STARD13: variants seen among roughly 807,000 people sequenced by gnomAD.
STARD13 encodes stAR-related lipid transfer protein 13.
A neutral mutation model predicts 106.4 loss-of-function variants in STARD13; 62 were observed. The observed-to-expected ratio is 0.58, with a 90% CI of 0.48 to 0.72. The LOEUF is 0.72. Among genes scored for constraint, STARD13 ranks in the 30% least tolerant of loss-of-function variants. STARD13 has a pLI of 0.00. For missense variants in STARD13, 1,387 were observed against 1,424.0 expected (o/e 0.97, Z 0.42); for synonymous variants, 565 against 553.0 (o/e 1.02, Z -0.31).
In STARD13 at chr13:33,229,251, C is replaced by A. The variant is rs570205252; in HGVS notation, c.169+56219G>T. 2.0e-5 allele frequency among the ~76,000 whole-genome samples: 3 copies of A among 152,172 alleles called. No individual in the cohort carries two copies. The South Asian group carries it at 6.2e-4, about 32-fold the overall frequency. ...GGCTGAAAAGGGACTTCCTAAATAG[C>A]GACTCCATGGAAGTAAACAGGGGAA... On this transcript the variant is annotated intron_variant, in intron 1 of 13. Transcript: ENST00000336934.
At chr13:33,147,610 C>G (rs1296643702) in intron 3 of STARD13, among the ~76,000 whole-genome samples, 3 of 152,140 alleles carry the variant, frequency 2.0e-5, no homozygotes, top group Admixed American at 6.5e-5. Context: ...AATGACCACC[C>G]TGGGAAGAGA....
chr13:33,586,273 C>T, the STARD13 span, among the ~76,000 whole-genome samples: 1 of 152,070 alleles, frequency 6.6e-6, no homozygotes, highest in Admixed American at 6.6e-5. Flanking sequence ...AAAACAAGAA[C>T]CTCATGATCC....
At chr13:33,422,144 G>A in the STARD13 span, among the ~76,000 whole-genome samples, 7 of 152,254 alleles carry the variant, frequency 4.6e-5, no homozygotes, top group South Asian at 1.5e-3. Flanking sequence ...AAGAAAAAGA[G>A]GAAGTCAAAC....
the STARD13 span, among the ~76,000 whole-genome samples, chr13:33,482,380 A>G: frequency 1.3e-5 from 2 of 152,234 alleles, no homozygotes; most frequent in African/African-American, 2.4e-5. Flanking sequence ...AGTTTTTAAC[A>G]GGTGCCTTTT....
At chr13:33,224,038 T>C (rs1191751852) in intron 1 of STARD13, among the ~76,000 whole-genome samples, 2 of 152,152 alleles carry the variant, frequency 1.3e-5, no homozygotes, top group African/African-American at 4.8e-5. Context: ...TAATATAGGC[T>C]TGATTGAGCC....
At chr13:33,210,028 T>C (rs1271413087) in intron 1 of STARD13, among the ~76,000 whole-genome samples, 13 of 151,584 alleles carry the variant, frequency 8.6e-5, no homozygotes, top group Non-Finnish European at 1.5e-4. Flanking sequence ...ATGCACAGAG[T>C]GGGTGTGCAG....
the STARD13 span, among the ~76,000 whole-genome samples, chr13:33,478,097 T>G: frequency 6.6e-6 from 1 of 152,194 alleles, no homozygotes; most frequent in South Asian, 2.1e-4. Context: ...CGTGTTTTCC[T>G]GCATGTAACT....
the STARD13 span, among the ~76,000 whole-genome samples, chr13:33,417,395 G>A: frequency 5.3e-5 from 8 of 152,176 alleles, no homozygotes; most frequent in South Asian, 2.1e-4. Context: ...GAAAACTAAC[G>A]AAAGAAATGT....
intron 1 of STARD13, among the ~76,000 whole-genome samples, chr13:33,257,721 A>G (rs1890435749): frequency 6.6e-6 from 1 of 152,268 alleles, no homozygotes; most frequent in Non-Finnish European, 1.5e-5. Flanking sequence ...AATGAGAGTC[A>G]TAAATTATGA....
the STARD13 span, among the ~76,000 whole-genome samples, chr13:33,599,133 T>C: frequency 1.3e-4 from 20 of 152,218 alleles, no homozygotes; most frequent in Admixed American, 1.3e-3. Flanking sequence ...CTGGGTTTTA[T>C]TTTAGGCATC....
At chr13:33,193,296 G>C (rs906566465) in intron 1 of STARD13, among the ~76,000 whole-genome samples, 2 of 152,208 alleles carry the variant, frequency 1.3e-5, no homozygotes, top group African/African-American at 4.8e-5. Context: ...TTAGTGATTA[G>C]AAGGAGAAGG....
chr13:33,502,742 A>T, the STARD13 span, among the ~76,000 whole-genome samples: 1 of 152,194 alleles, frequency 6.6e-6, no homozygotes, highest in Admixed American at 6.5e-5. Context: ...AGCCAACTTG[A>T]TCATAGTGGA....
chr13:33,555,944 T>C, the STARD13 span, among the ~76,000 whole-genome samples: 3 of 152,198 alleles, frequency 2.0e-5, no homozygotes, highest in Non-Finnish European at 2.9e-5. Flanking sequence ...GGTTTGGAGA[T>C]AATAATATTT....
chr13:33,368,300 A>C, the STARD13 span, among the ~76,000 whole-genome samples: 2 of 152,206 alleles, frequency 1.3e-5, no homozygotes, highest in African/African-American at 4.8e-5. Context: ...AGATAGATCT[A>C]TGCCGGCTCT....
chr13:33,307,200 G>A (rs1892942023), intron 1 of STARD13, among the ~76,000 whole-genome samples: 1 of 152,108 alleles, frequency 6.6e-6, no homozygotes, highest in Admixed American at 6.6e-5. Flanking sequence ...GCCTTTACAC[G>A]GTCGGTGGGG....
upstream of STARD13, among the ~76,000 whole-genome samples, chr13:33,354,785 A>T (rs1053396822): frequency 6.6e-6 from 1 of 151,820 alleles, no homozygotes; most frequent in Non-Finnish European, 1.5e-5. Context: ...ATACATACTG[A>T]TAATTATAGT....
intron 1 of STARD13, among the ~76,000 whole-genome samples, chr13:33,270,641 C>T (rs929329148): frequency 3.3e-5 from 5 of 152,184 alleles, no homozygotes; most frequent in South Asian, 2.1e-4. Flanking sequence ...CCAGGCCTCC[C>T]GTACCCAGAT....
At chr13:33,143,212 A>G (rs1880073597) in intron 3 of STARD13, among the ~76,000 whole-genome samples, 1 of 152,178 alleles carries the variant, frequency 6.6e-6, no homozygotes, top group Non-Finnish European at 1.5e-5. Context: ...TAATAAATAC[A>G]TTTTGATTTT....
chr13:33,331,215 T>C (rs1026264738), intron 1 of STARD13, among the ~76,000 whole-genome samples: 2 of 152,172 alleles, frequency 1.3e-5, no homozygotes, highest in Non-Finnish European at 2.9e-5. Flanking sequence ...GCTCCGTGCA[T>C]CTGTTTCTTT....
Sources: allele counts gnomAD v4.1 joint callset (sites outside exome capture counted in the v4.1 genomes callset), GRCh38; gene constraint gnomAD v4.1.1; transcripts MANE v1.5; gene names NCBI Gene and HGNC (gene_info 2026-07-23, HGNC 2026-07-21).